Variants in FRMPD1 observed in about 807,000 individuals in gnomAD.
FRMPD1 encodes FERM and PDZ domain containing 1.
FRMPD1 carries 76 observed loss-of-function variants against 117.8 expected under a neutral mutation model. That is an observed-to-expected ratio of 0.65 (90% CI 0.54 to 0.78). The LOEUF is 0.78. FRMPD1 is among the 30% of genes least tolerant of loss of function. The probability of loss-of-function intolerance (pLI) is 0.00; values close to 1 mark genes in which losing one functional copy is unlikely to be tolerated. For missense variants in FRMPD1, 1,786 were observed against 1,964.5 expected (o/e 0.91, Z 1.72); for synonymous variants, 783 against 770.4 (o/e 1.02, Z -0.27).
the FRMPD1 span, among the ~76,000 whole-genome samples, chr9:37,618,417 T>A: frequency 6.6e-6 from 1 of 152,134 alleles, no homozygotes; most frequent in South Asian, 2.1e-4. Context: ...AACAACAGCC[T>A]CTTTTACCTG....
chr9:37,721,629 C>A (rs1017755170), intron 6 of FRMPD1, among the ~76,000 whole-genome samples: 2 of 151,972 alleles, frequency 1.3e-5, no homozygotes, highest in African/African-American at 4.8e-5. Flanking sequence ...TAAAAAATGA[C>A]CCAGAGATTG....
At chr9:37,667,057 G>T (rs1821181733) in intron 1 of FRMPD1, among the ~76,000 whole-genome samples, 2 of 97,292 alleles carry the variant, frequency 2.1e-5, no homozygotes, top group Non-Finnish European at 3.8e-5. Flanking sequence ...GACAATTGAA[G>T]CATGCTTTTT....
chr9:37,622,938 A>T, the FRMPD1 span, among the ~76,000 whole-genome samples: 1 of 152,110 alleles, frequency 6.6e-6, no homozygotes. Flanking sequence ...ACAAAGAGAG[A>T]TGCTTATGTA....
At position 37,746,104 on chromosome 9, in the gene FRMPD1, T is replaced by C. The variant is rs1824697558; in HGVS notation, c.4072T>C (p.Leu1358=). 6.2e-7 allele frequency: 1 copy of C among 1,614,180 alleles called. No homozygotes were observed. The highest frequency in any genetic ancestry group is 8.5e-7 in the Non-Finnish European group (1 of 1,180,024). Residue 1358 remains leucine, a synonymous_variant, in exon 16 of 16, where the codon TTG becomes CTG. Transcript: ENST00000377765. ...TGAGACAGAGGAAGAAGACAGGGAC[T>C]TGGAAGCACACCCCATGGCCCCCCT... ...QPETEEEDRD[L]EAHPMAPLTS...
intron 12 of FRMPD1, 66 bp from the exon 13 acceptor site, chr9:37,735,486 C>A: frequency 1.6e-6 from 2 of 1,214,404 alleles, no homozygotes; most frequent in Non-Finnish European, 2.4e-6. Flanking sequence ...GGTATTATTG[C>A]TTACATGTGA....
chr9:37,674,092 G>A (rs995176710), intron 1 of FRMPD1, among the ~76,000 whole-genome samples: 1 of 152,136 alleles, frequency 6.6e-6, no homozygotes, highest in Non-Finnish European at 1.5e-5. Flanking sequence ...TGCATCATCA[G>A]GCAGCAAATT....
At chr9:37,636,422 G>T in the FRMPD1 span, among the ~76,000 whole-genome samples, 1 of 152,128 alleles carries the variant, frequency 6.6e-6, no homozygotes, top group Non-Finnish European at 1.5e-5. Flanking sequence ...GTGTAGGGGG[G>T]GCATCTTGGA....
At position 37,693,958 on chromosome 9, in the gene FRMPD1, C is replaced by T. The variant is rs1405356695; in HGVS notation, c.101+1216C>T. 2.6e-5 allele frequency among the ~76,000 whole-genome samples: 4 copies of T among 152,302 alleles called. No individual in the cohort carries two copies. The East Asian group carries it at 7.7e-4, about 29-fold the overall frequency. On this transcript the variant is annotated intron_variant, in intron 2 of 15. Transcript: ENST00000377765. ...GGACCCCGTAGTATTTTATTTGTAGCACTGGCATTGTGCTCCCCCTGGTGC... is the reference window on the plus strand; with the variant it reads ...GGACCCCGTAGTATTTTATTTGTAGTACTGGCATTGTGCTCCCCCTGGTGC...
chr9:37,737,043 T>A (rs956935814), intron 13 of FRMPD1, 53 bp from the exon 14 acceptor site: 5 of 1,468,674 alleles, frequency 3.4e-6, no homozygotes, highest in Non-Finnish European at 2.8e-6. Context: ...TTGTCAGTCT[T>A]CAGACTGTCC....
At chr9:37,711,292 C>T (rs530601687) in intron 4 of FRMPD1, 58 bp from the exon 5 acceptor site, 10 of 1,086,380 alleles carry the variant, frequency 9.2e-6, no homozygotes, top group Admixed American at 5.1e-5. Flanking sequence ...TATGCATGCA[C>T]GTGCATCCAT....
chr9:37,737,772 G>A (rs892492945), intron 14 of FRMPD1, among the ~76,000 whole-genome samples: 3 of 147,842 alleles, frequency 2.0e-5, no homozygotes, highest in East Asian at 2.0e-4. Context: ...GCAGTGAGCC[G>A]AGATCGTGCC....
At chr9:37,692,591 T>A in intron 1 of FRMPD1, 47 bp from the exon 2 acceptor site, 1 of 1,182,592 alleles carries the variant, frequency 8.5e-7, no homozygotes, top group Non-Finnish European at 1.3e-6. Context: ...AAAATCCTCT[T>A]TAGAGTATTT....
At chr9:37,630,403 A>G in the FRMPD1 span, among the ~76,000 whole-genome samples, 1 of 151,500 alleles carries the variant, frequency 6.6e-6, no homozygotes, top group Non-Finnish European at 1.5e-5. Flanking sequence ...TATTTATGAG[A>G]CAGGGTTTCG....
At position 37,694,596 on chromosome 9, in the gene FRMPD1, G is replaced by A. The variant is rs201169029; in HGVS notation, c.101+1854G>A. 6.6e-5 allele frequency among the ~76,000 whole-genome samples: 10 copies of A among 152,226 alleles called. No homozygotes were observed. The East Asian group carries it at 1.9e-3, about 29-fold the overall frequency. On this transcript the variant is annotated intron_variant, in intron 2 of 15. Transcript: ENST00000377765. ...AGAGTCTCACTCTGTTGCCCAGGACGGAGTGCAGTGGTGTGATCTCAGCTC... is the reference window on the plus strand; with the variant it reads ...AGAGTCTCACTCTGTTGCCCAGGACAGAGTGCAGTGGTGTGATCTCAGCTC...
chr9:37,711,269 A>G, intron 4 of FRMPD1, 81 bp from the exon 5 acceptor site: 1 of 907,070 alleles, frequency 1.1e-6, no homozygotes, highest in South Asian at 1.3e-5. Context: ...CCTAACACAC[A>G]TGCTCACACA....
chr9:37,669,868 C>T (rs1588912998), intron 1 of FRMPD1: 1 of 152,198 alleles, frequency 6.6e-6, no homozygotes, highest in East Asian at 1.9e-4. Context: ...TGGCGCATGC[C>T]TGTAATCCCA....
chr9:37,745,447 G>A lies in FRMPD1; in HGVS notation c.3415G>A (p.Asp1139Asn), dbSNP rs760474072. 1 of 1,613,922 alleles carries A rather than the reference G, an allele frequency of 6.2e-7. No homozygotes were observed. The highest frequency in any genetic ancestry group is 8.5e-7 in the Non-Finnish European group (1 of 1,179,798). ...GAAGGATTCAGGTGACTCCCCGGGT[G>A]ATGTGTCAAATAATGTTTCACAGAC... ...SRKDSGDSPG[D>N]VSNNVSQTLD... Residue 1139 changes from aspartate (D) to asparagine (N), a missense_variant, in exon 16 of 16, where the codon GAT (aspartate) becomes AAT (asparagine). Transcript: ENST00000377765.
intron 6 of FRMPD1, 39 bp downstream of exon 6, chr9:37,719,215 C>A (rs375958396): frequency 4.9e-5 from 62 of 1,268,804 alleles, no homozygotes; most frequent in Non-Finnish European, 6.9e-6. Flanking sequence ...ATGAAGCTGG[C>A]GAGCTGCCTT....
At chr9:37,613,785 T>C in the FRMPD1 span, among the ~76,000 whole-genome samples, 3 of 152,222 alleles carry the variant, frequency 2.0e-5, no homozygotes, top group East Asian at 1.9e-4. Flanking sequence ...ACTCTCAGAG[T>C]ACTATGTACT....
Sources: allele counts gnomAD v4.1 joint callset (sites outside exome capture counted in the v4.1 genomes callset), GRCh38; gene constraint gnomAD v4.1.1; transcripts MANE v1.5; gene names NCBI Gene and HGNC (gene_info 2026-07-23, HGNC 2026-07-21).